Variants in CR1 observed in about 807,000 individuals in gnomAD.
The protein encoded by CR1 is complement C3b/C4b receptor 1 (Knops blood group).
CR1 carries 116 observed loss-of-function variants against 187.3 expected under a neutral mutation model. The ratio of observed to expected loss-of-function variants is 0.62; its 90% CI spans 0.53 to 0.72. The LOEUF (loss-of-function observed/expected upper bound fraction) is 0.72. CR1 is among the 30% of genes least tolerant of loss of function. The pLI, the probability that CR1 is intolerant of heterozygous loss-of-function variation, is 0.00. For synonymous variants in CR1, 576 were observed against 747.1 expected, an observed-to-expected ratio of 0.77 and a Z score of 3.73; for missense variants, 1,731 against 2,110.7, an observed-to-expected ratio of 0.82 and a Z score of 3.52.
rs769828093 is a variant in CR1 at position 207,496,308 on chromosome 1, C to A, written c.41C>A (p.Pro14Gln). The change falls in exon 1 of 47, where the codon CCG (proline) becomes CAG (glutamine). Residue 14 changes from proline (P) to glutamine (Q), a missense_variant. This residue lies in a region of CR1 where 237 missense variants were observed against 240.4 expected (regional missense o/e 0.99). Coordinates refer to ENST00000367049, the MANE Select transcript of CR1 (RefSeq NM_000651.6). ...SSPRSPEPVG[P>Q]PAPGLPFCCG... ...CCAAGAAGCCCGGAGCCTGTCGGGC[C>A]GCCGGCGCCCGGTCTCCCCTTCTGC... 25 of 1,613,554 alleles carry A rather than the reference C, an allele frequency of 1.5e-5. No individual in the cohort carries two copies. The highest frequency in any genetic ancestry group is 1.3e-4 in the African/African-American group (10 of 74,914).
At chr1:207,613,408 C>G (rs1661997779) in intron 39 of CR1, among the ~76,000 whole-genome samples, 1 of 152,088 alleles carries the variant, frequency 6.6e-6, no homozygotes, top group Admixed American at 6.5e-5. Context: ...TAGGGAAGCT[C>G]AGGTATATGT....
In CR1 at chr1:207,519,327, A is replaced by T. The variant is rs568249251; in HGVS notation, c.488-4284A>T. Among the ~76,000 whole-genome samples, 13 of 152,070 alleles carry T rather than the reference A, an allele frequency of 8.5e-5. 1 individual carries two copies. In the South Asian group the frequency reaches 2.7e-3, roughly 31 times the overall value. ...TAAAAATTAAAAATAAATAAATTTAATATAGTTACTGATATAAAGTCTAAG... is the reference window on the plus strand; with the variant it reads ...TAAAAATTAAAAATAAATAAATTTATTATAGTTACTGATATAAAGTCTAAG... On this transcript the variant is annotated intron_variant, in intron 4 of 46. Transcript: ENST00000367049.
chr1:207,506,725 C>T lies in CR1; in HGVS notation c.313C>T (p.Arg105Cys), dbSNP rs11587944. The change falls in exon 3 of 47, where the codon CGT becomes TGT. Residue 105 changes from arginine (R) to cysteine (C), a missense_variant. By Grantham distance (180) the Arg-to-Cys change is radical. Coordinates refer to ENST00000367049, the MANE Select transcript of CR1 (RefSeq NM_000651.6). ...TTTCTTTCCTGTAGGTAAATCATGT[C>T]GTAATCCTCCAGATCCTGTGAATGG... is the stretch of plus-strand genomic sequence containing the variant. ...AKDRCRRKSC[R>C]NPPDPVNGMV... 9.0e-3 allele frequency: 14,555 copies of T among 1,613,150 alleles called. 95 individuals carry two copies. The highest frequency in any genetic ancestry group is 0.011 in the Non-Finnish European group (12,496 of 1,179,324).
intron 33 of CR1, among the ~76,000 whole-genome samples, chr1:207,585,359 CTCTT>C (rs1277496187): frequency 6.6e-6 from 1 of 152,204 alleles, no homozygotes; most frequent in Non-Finnish European, 1.5e-5. Flanking sequence ...CAAAAAGACT[CTCTT>C]TGTCTTGACT....
chr1:207,587,680 C>T (rs1046323725), intron 34 of CR1, 115 bp downstream of exon 34: 4 of 1,037,162 alleles, frequency 3.9e-6, no homozygotes, highest in Non-Finnish European at 5.5e-6. Context: ...TGGCAGATAG[C>T]TTGAACTCAG....
At chr1:207,597,320 A>G (rs925354952) in intron 35 of CR1, among the ~76,000 whole-genome samples, 2 of 152,196 alleles carry the variant, frequency 1.3e-5, no homozygotes, top group Admixed American at 6.5e-5. Flanking sequence ...GCTTCTAAAT[A>G]TGGTCAGAAT....
chr1:207,611,680 G>T lies in CR1; in HGVS notation c.6299G>T (p.Cys2100Phe). The T allele has an allele frequency of 2.5e-6, 4 of 1,613,796 alleles. No homozygotes were observed. Among genetic ancestry groups the T allele is most frequent in the Non-Finnish European group, 3.4e-6 (4 of 1,179,740 alleles). The change falls in exon 38 of 47, where the codon TGT becomes TTT. Residue 2100 changes from cysteine (C) to phenylalanine (F), a missense_variant. This residue lies in a region of CR1 where 1,312 missense variants were observed against 1,379.6 expected (regional missense o/e 0.95). Coordinates refer to ENST00000367049, the MANE Select transcript of CR1 (RefSeq NM_000651.6). ...GPKLPHCSRV[C>F]QPPPEILHGE... is the part of the protein sequence containing the mutation. ...TCTGGAACTGTCCTTTCCACAGTGT[G>T]TCAGCCGCCTCCAGAAATCCTGCAT...
chr1:207,623,843 T>TG (rs1309567441), intron 45 of CR1, among the ~76,000 whole-genome samples: 5 of 150,810 alleles, frequency 3.3e-5, no homozygotes, highest in Non-Finnish European at 1.5e-5. Flanking sequence ...AGGCTGCCAG[T>TG]GGGGAAGAAT....
At chr1:207,524,687 C>G (rs1372119296) in intron 5 of CR1, among the ~76,000 whole-genome samples, 3 of 151,954 alleles carry the variant, frequency 2.0e-5, no homozygotes, top group East Asian at 3.9e-4. Context: ...CGTGCCCGGC[C>G]TCTATGTTTT....
intron 46 of CR1, among the ~76,000 whole-genome samples, chr1:207,632,713 G>T (rs1434880389): frequency 1.3e-5 from 2 of 150,990 alleles, no homozygotes; most frequent in Non-Finnish European, 2.9e-5. Flanking sequence ...CAGGAGAATG[G>T]CGTGAGCCCG....
At chr1:207,637,364 T>C (rs1662847701) in intron 46 of CR1, among the ~76,000 whole-genome samples, 1 of 152,248 alleles carries the variant, frequency 6.6e-6, no homozygotes, top group Non-Finnish European at 1.5e-5. Flanking sequence ...TTTTGTAATA[T>C]CACCGCACTA....
chr1:207,584,870 C>T lies in CR1; in HGVS notation c.5524C>T (p.Arg1842Cys), dbSNP rs766544117. 17 of 1,613,894 alleles carry T rather than the reference C, an allele frequency of 1.1e-5. No homozygotes were observed. Among genetic ancestry groups the T allele is most frequent in the Admixed American group, 5.0e-5 (3 of 60,018 alleles). ...TGCCCCTCGCTGTGAACTTTCTGTT[C>T]GTGCTGGTCAGTATCCACTTCCACA... is the stretch of plus-strand genomic sequence containing the variant. ...SPAPRCELSV[R>C]AGHCKTPEQF... Residue 1842 changes from arginine to cysteine, a missense_variant, in exon 33 of 47, where the codon CGT (arginine) becomes TGT (cysteine). This residue lies in a region of CR1 where 1,312 missense variants were observed against 1,379.6 expected (regional missense o/e 0.95). Transcript: ENST00000367049.
At chr1:207,600,197 C>T (rs1356974326) in intron 35 of CR1, among the ~76,000 whole-genome samples, 1 of 152,188 alleles carries the variant, frequency 6.6e-6, no homozygotes, top group Non-Finnish European at 1.5e-5. Context: ...TGACAATCTC[C>T]GGTTAGATGA....
intron 35 of CR1, among the ~76,000 whole-genome samples, chr1:207,603,331 T>A (rs1661659873): frequency 6.6e-6 from 1 of 152,200 alleles, no homozygotes; most frequent in Non-Finnish European, 1.5e-5. Flanking sequence ...TAGCTTATTT[T>A]GGAAGGTATT....
At chr1:207,596,909 G>C (rs1259383572) in intron 35 of CR1, among the ~76,000 whole-genome samples, 2 of 147,754 alleles carry the variant, frequency 1.4e-5, no homozygotes, top group African/African-American at 4.9e-5. Context: ...ATTTTATACT[G>C]GTGTAAAGTA....
At chr1:207,514,174 T>C (rs1659713142) in intron 4 of CR1, among the ~76,000 whole-genome samples, 1 of 152,174 alleles carries the variant, frequency 6.6e-6, no homozygotes, top group Admixed American at 6.5e-5. Context: ...CAATTTTACA[T>C]TCTTAAAATA....
intron 1 of CR1, among the ~76,000 whole-genome samples, chr1:207,496,777 C>T (rs2102326411): frequency 6.6e-6 from 1 of 152,318 alleles, no homozygotes; most frequent in South Asian, 2.1e-4. Flanking sequence ...GAGTTCTGGT[C>T]CTAGAAACTT....
chr1:207,512,786 T>A (rs574122447), intron 4 of CR1, among the ~76,000 whole-genome samples: 1 of 152,186 alleles, frequency 6.6e-6, no homozygotes, highest in South Asian at 2.1e-4. Context: ...CCTGGAAATA[T>A]GAAAAAGATT....
intron 46 of CR1, among the ~76,000 whole-genome samples, chr1:207,630,991 T>C (rs1189661382): frequency 2.0e-5 from 3 of 152,214 alleles, no homozygotes; most frequent in Non-Finnish European, 4.4e-5. Context: ...GTCACTTTAA[T>C]GTCCTCTAGA....
Sources: gnomAD v4.1 joint callset for allele counts (sites outside exome capture counted in the v4.1 genomes callset) on GRCh38, gnomAD v4.1.1 for gene constraint, gnomAD v4.1.1 regional missense constraint, MANE v1.5 for transcripts, NCBI Gene and HGNC (gene_info 2026-07-23, HGNC 2026-07-21) for gene names.